TMEM108: variants seen among roughly 807,000 people sequenced by gnomAD.
TMEM108 encodes the protein transmembrane protein 108, also known as cancer/testis antigen 124.
In TMEM108, 12 loss-of-function variants were observed where a neutral mutation model predicts 35.1. That is an observed-to-expected ratio of 0.34 (90% confidence interval 0.22 to 0.55). The LOEUF is 0.55. Ranked by LOEUF, TMEM108 falls within the 20% of genes least tolerant of loss-of-function variation. TMEM108 has a pLI of 0.89. For synonymous variants in TMEM108, 287 were observed against 308.6 expected, an observed-to-expected ratio of 0.93 and a Z score of 0.73; for missense variants, 680 against 753.3, an observed-to-expected ratio of 0.90 and a Z score of 1.14.
chr3:133,086,733 T>C (rs1267001474), intron 2 of TMEM108, among the ~76,000 whole-genome samples: 1 of 152,196 alleles, frequency 6.6e-6, no homozygotes, highest in Non-Finnish European at 1.5e-5. Flanking sequence ...AGACATTTAA[T>C]TTGGCTAAAT....
chr3:133,166,728 T>C (rs1945044274), intron 2 of TMEM108, among the ~76,000 whole-genome samples: 1 of 152,196 alleles, frequency 6.6e-6, no homozygotes, highest in Non-Finnish European at 1.5e-5. Flanking sequence ...GTGTTACAGC[T>C]TATAAAGGCA....
At chr3:133,109,361 C>G (rs1438582865) in intron 2 of TMEM108, among the ~76,000 whole-genome samples, 2 of 152,084 alleles carry the variant, frequency 1.3e-5, no homozygotes, top group Non-Finnish European at 2.9e-5. Flanking sequence ...GGCATAGTGG[C>G]TCACGCCTGT....
chr3:133,070,919 T>C (rs1459390216), intron 2 of TMEM108, among the ~76,000 whole-genome samples: 1 of 152,106 alleles, frequency 6.6e-6, no homozygotes. Flanking sequence ...CAACATTTGC[T>C]GTCTTCAGGG....
intron 2 of TMEM108, among the ~76,000 whole-genome samples, chr3:133,111,481 A>ATG (rs1026312046): frequency 6.6e-5 from 10 of 152,024 alleles, no homozygotes; most frequent in Non-Finnish European, 1.3e-4. Flanking sequence ...ATATAGATAT[A>ATG]TGTGTGTATA....
chr3:133,345,270 A>G (rs1453594036), intron 3 of TMEM108, among the ~76,000 whole-genome samples: 12 of 151,934 alleles, frequency 7.9e-5, no homozygotes, highest in Non-Finnish European at 1.6e-4. Flanking sequence ...CTATTAATCC[A>G]TAGATTGCCA....
At chr3:133,215,563 C>T (rs1945895538) in intron 2 of TMEM108, among the ~76,000 whole-genome samples, 1 of 152,016 alleles carries the variant, frequency 6.6e-6, no homozygotes, top group African/African-American at 2.4e-5. Context: ...TTTGGGATTA[C>T]AAAGAAATTT....
intron 3 of TMEM108, among the ~76,000 whole-genome samples, chr3:133,332,884 C>T (rs2071414455): frequency 6.6e-6 from 1 of 152,216 alleles, no homozygotes; most frequent in Admixed American, 6.5e-5. Context: ...GAGAGTTTAT[C>T]CCTTGTAGTG....
chr3:133,241,943 A>C (rs557691940), intron 3 of TMEM108, among the ~76,000 whole-genome samples: 2 of 152,210 alleles, frequency 1.3e-5, no homozygotes, highest in South Asian at 2.1e-4. Flanking sequence ...AATTACCACA[A>C]ACTTTGTGGC....
intron 2 of TMEM108, among the ~76,000 whole-genome samples, chr3:133,059,199 C>T (rs1015249494): frequency 7.2e-5 from 11 of 152,188 alleles, no homozygotes; most frequent in Non-Finnish European, 2.9e-5. Flanking sequence ...CTCCTAAATG[C>T]TTCACAATGG....
chr3:133,040,280 T>C (rs955774103), intron 1 of TMEM108, among the ~76,000 whole-genome samples: 1 of 149,702 alleles, frequency 6.7e-6, no homozygotes, highest in Non-Finnish European at 1.5e-5. Flanking sequence ...CTCGGCTCAC[T>C]GTAACCTCCG....
intron 2 of TMEM108, among the ~76,000 whole-genome samples, chr3:133,084,788 C>T (rs752058018): frequency 1.3e-5 from 2 of 152,132 alleles, no homozygotes; most frequent in African/African-American, 4.8e-5. Context: ...CAAGGGCACA[C>T]AGCACAGGGA....
At chr3:133,258,599 G>A (rs534998562) in intron 3 of TMEM108, among the ~76,000 whole-genome samples, 3 of 152,346 alleles carry the variant, frequency 2.0e-5, no homozygotes, top group African/African-American at 4.8e-5. Context: ...GCAGAGAGGT[G>A]CATTCCCTAG....
At chr3:133,232,092 G>A (rs922335354) in intron 3 of TMEM108, among the ~76,000 whole-genome samples, 4 of 152,172 alleles carry the variant, frequency 2.6e-5, no homozygotes, top group Non-Finnish European at 5.9e-5. Context: ...GAGAGTTCTA[G>A]CCCATAAGCA....
rs1373894623 is a variant in TMEM108 at position 133,396,521 on chromosome 3, T to C, written c.*535T>C. 2 of 152,204 alleles carry C rather than the reference T, an allele frequency of 1.3e-5. No homozygotes were observed. Among genetic ancestry groups the C allele is most frequent in the East Asian group, 3.8e-4 (2 of 5,202 alleles). The allele number at this position is 152,204 out of a possible 1,614,324, so 9.4% of individuals were successfully genotyped here. On this transcript the variant is annotated 3_prime_UTR_variant, in exon 6 of 6. Coordinates refer to ENST00000321871, the MANE Select transcript of TMEM108 (RefSeq NM_023943.4). ...TGAGGATGAGTACCCTGGAGCCTTATGACGGCACCATTGGATGTCATGTTT... is the reference window on the plus strand; with the variant it reads ...TGAGGATGAGTACCCTGGAGCCTTACGACGGCACCATTGGATGTCATGTTT...
intron 3 of TMEM108, among the ~76,000 whole-genome samples, chr3:133,319,745 G>A (rs558811204): frequency 6.6e-6 from 1 of 152,240 alleles, no homozygotes; most frequent in East Asian, 1.9e-4. Flanking sequence ...GAGCCTGGTA[G>A]CCCCACTGGG....
At chr3:133,334,854 A>G (rs2071462449) in intron 3 of TMEM108, among the ~76,000 whole-genome samples, 1 of 152,222 alleles carries the variant, frequency 6.6e-6, no homozygotes, top group Admixed American at 6.5e-5. Context: ...TTAGTAGACT[A>G]ATGAAGAACA....
chr3:133,096,359 C>T (rs1422215175), intron 2 of TMEM108, among the ~76,000 whole-genome samples: 1 of 152,110 alleles, frequency 6.6e-6, no homozygotes, highest in Non-Finnish European at 1.5e-5. Flanking sequence ...TGGGGTCTTG[C>T]CATGTTGCCC....
At chr3:133,260,911 G>T (rs1210555898) in intron 3 of TMEM108, among the ~76,000 whole-genome samples, 4 of 152,170 alleles carry the variant, frequency 2.6e-5, no homozygotes, top group African/African-American at 9.7e-5. Flanking sequence ...TGAATTGGAT[G>T]ATATAGAGTG....
chr3:133,393,577 G>A (rs148647049), intron 5 of TMEM108, among the ~76,000 whole-genome samples: 1,726 of 152,296 alleles, frequency 0.011, 18 homozygotes, highest in Non-Finnish European at 0.017. Flanking sequence ...TTAAGCAGAG[G>A]ACAAACGAGG....
Sources: allele counts gnomAD v4.1 joint callset (sites outside exome capture counted in the v4.1 genomes callset), GRCh38; gene constraint gnomAD v4.1.1; transcripts MANE v1.5; gene names NCBI Gene and HGNC (gene_info 2026-07-23, HGNC 2026-07-21).